ALG12: variants seen among roughly 807,000 people sequenced by gnomAD.
ALG12 encodes the protein dol-P-Man:Man(7)GlcNAc(2)-PP-Dol alpha-1,6-mannosyltransferase.
ALG12 carries 36 observed loss-of-function variants against 46.0 expected under a neutral mutation model. That is an observed-to-expected ratio of 0.78 (90% CI 0.60 to 1.03). The LOEUF (loss-of-function observed/expected upper bound fraction) is 1.03. Among genes scored for constraint, ALG12 ranks in the 50% least tolerant of loss-of-function variants. ALG12 has a pLI of 0.00. For missense variants in ALG12, 599 were observed against 633.5 expected (o/e 0.95, Z 0.58); for synonymous variants, 326 against 291.6 (o/e 1.12, Z -1.20).
chr22:49,880,312 A>C, the ALG12 span, among the ~76,000 whole-genome samples: 1 of 152,098 alleles, frequency 6.6e-6, no homozygotes, highest in Non-Finnish European at 1.5e-5. Context: ...TGGTTCTCTG[A>C]GGGTGGTTTC....
the ALG12 span, among the ~76,000 whole-genome samples, chr22:49,874,332 C>G: frequency 2.6e-5 from 4 of 151,876 alleles, no homozygotes; most frequent in Admixed American, 2.0e-4. Context: ...AAATGTTTTT[C>G]TACATCGAAT....
At chr22:49,888,241 GA>G in the ALG12 span, 1 of 166,918 alleles carries the variant, frequency 6.0e-6, no homozygotes, top group Non-Finnish European at 1.5e-5. Flanking sequence ...TGTCTTCAGA[GA>G]AAAAAAGATT....
rs897103155 is a variant in ALG12 at position 49,907,734 on chromosome 22, C to A, written c.979G>T (p.Gly327Cys). Residue 327 changes from glycine (G) to cysteine (C), a missense_variant, in exon 7 of 10, where the codon GGC (glycine) becomes TGC (cysteine). By Grantham distance (159) the Gly-to-Cys change is radical. Transcript: ENST00000330817. ...AAGAGCACTCACAGGTAGGAGCAGC[C>A]TCTGGCAGCCGTGATGTTGAGCATG... ...FPMLNITAAR[G>C]CSYLLNNYKK... 6.2e-7 allele frequency: 1 copy of A among 1,613,930 alleles called. No individual in the cohort carries two copies. Among genetic ancestry groups the A allele is most frequent in the Non-Finnish European group, 8.5e-7 (1 of 1,180,034 alleles).
At chr22:49,916,993 C>A (rs1340925936) in intron 1 of ALG12, among the ~76,000 whole-genome samples, 1 of 152,208 alleles carries the variant, frequency 6.6e-6, no homozygotes, top group Non-Finnish European at 1.5e-5. Flanking sequence ...AGCACCTCCT[C>A]GGACCCAACA....
At chr22:49,880,268 G>A in the ALG12 span, among the ~76,000 whole-genome samples, 15,498 of 152,186 alleles carry the variant, frequency 0.1, 1,030 homozygotes, top group African/African-American at 0.18. Flanking sequence ...GCTGTTCCCA[G>A]CCTCCAGGGA....
chr22:49,868,169 TC>T, the ALG12 span, among the ~76,000 whole-genome samples: 543 of 152,372 alleles, frequency 3.6e-3, 2 homozygotes, highest in African/African-American at 0.012. Flanking sequence ...TTGTCAGTCT[TC>T]TTTTTTGTTG....
At chr22:49,860,423 G>T in the ALG12 span, among the ~76,000 whole-genome samples, 1 of 152,150 alleles carries the variant, frequency 6.6e-6, no homozygotes, top group African/African-American at 2.4e-5. Flanking sequence ...GTGCTAAAAT[G>T]TGCATACAGT....
chr22:49,903,111 C>T lies in ALG12; in HGVS notation c.*727G>A, dbSNP rs2060523408. The T allele has an allele frequency of 2.8e-6, 1 of 351,764 alleles. No individual in the cohort carries two copies. The highest frequency in any genetic ancestry group is 1.0e-3 in the Middle Eastern group (1 of 960). 21.8% of individuals were successfully genotyped at this position (351,764 alleles called of 1,614,324 possible). On this transcript the variant is annotated 3_prime_UTR_variant, in exon 10 of 10. Transcript: ENST00000330817. ...ATAAATGCATGGTCAGTGAGGCTGA[C>T]AGCACCAAGCTGTCCCTTTACCATA...
At chr22:49,907,184 C>T (rs1416070333) in intron 7 of ALG12, among the ~76,000 whole-genome samples, 1 of 152,288 alleles carries the variant, frequency 6.6e-6, no homozygotes. Context: ...TCAGGATGGC[C>T]ACGAACGCCC....
the ALG12 span, among the ~76,000 whole-genome samples, chr22:49,870,403 C>T: frequency 6.6e-6 from 1 of 152,212 alleles, no homozygotes; most frequent in Admixed American, 6.5e-5. Context: ...AGACTCCACA[C>T]TGCTCTCCGC....
the ALG12 span, among the ~76,000 whole-genome samples, chr22:49,891,993 C>T: frequency 6.6e-6 from 1 of 151,866 alleles, no homozygotes; most frequent in African/African-American, 2.4e-5. Context: ...CTTTTTGCAT[C>T]CTGGCTAAAA....
the ALG12 span, among the ~76,000 whole-genome samples, chr22:49,882,877 G>A: frequency 6.6e-6 from 1 of 152,178 alleles, no homozygotes; most frequent in African/African-American, 2.4e-5. Flanking sequence ...TCAGCTTTTC[G>A]TCTGGGTTGA....
At chr22:49,880,287 A>G in the ALG12 span, among the ~76,000 whole-genome samples, 1 of 152,158 alleles carries the variant, frequency 6.6e-6, no homozygotes. Context: ...GAGCCCTGGC[A>G]GTTCTTTTCC....
Position 49,902,990 on chromosome 22 carries a change from G to T in ALG12, c.*848C>A, listed in dbSNP as rs1208721674. 2 of 331,794 alleles carry T rather than the reference G, an allele frequency of 6.0e-6. No homozygotes were observed. The highest frequency in any genetic ancestry group is 1.2e-5 in the Non-Finnish European group (2 of 171,796). The allele number at this position is 331,794 out of a possible 1,614,324, so 20.6% of individuals were successfully genotyped here. A position where few individuals can be genotyped will look rare whatever the true frequency, so the allele number is the denominator to read the frequency against. Reference sequence around the variant, plus strand: ...TGTGCACTGTGTGCATGCGTGTGTGGTGTGTGTGCATGTATGCATGGTGTG... The same window carrying T: ...TGTGCACTGTGTGCATGCGTGTGTGTTGTGTGTGCATGTATGCATGGTGTG... On this transcript the variant is annotated 3_prime_UTR_variant, in exon 10 of 10. Coordinates refer to ENST00000330817, the MANE Select transcript of ALG12 (RefSeq NM_024105.4).
the ALG12 span, among the ~76,000 whole-genome samples, chr22:49,878,798 G>C: frequency 1.3e-5 from 2 of 152,066 alleles, no homozygotes; most frequent in Admixed American, 6.6e-5. Flanking sequence ...AGGAGTTTGA[G>C]ACCAGCCTGG....
the ALG12 span, among the ~76,000 whole-genome samples, chr22:49,868,981 G>A: frequency 6.6e-6 from 1 of 151,822 alleles, no homozygotes; most frequent in Non-Finnish European, 1.5e-5. Flanking sequence ...AAAATTAGCT[G>A]GGTGTGATGG....
downstream of ALG12, among the ~76,000 whole-genome samples, chr22:49,899,280 G>T (rs929113272): frequency 7.2e-5 from 11 of 152,092 alleles, no homozygotes; most frequent in African/African-American, 2.4e-4. Flanking sequence ...TTCGAGACCA[G>T]CCTGGCCAAT....
chr22:49,910,134 C>T (rs775583932), intron 4 of ALG12, 46 bp from the exon 5 acceptor site: 1 of 1,551,290 alleles, frequency 6.4e-7, no homozygotes, highest in South Asian at 1.2e-5. Flanking sequence ...CAGGGCCCAC[C>T]CGGCCCAGAA....
At chr22:49,917,883 G>A (rs1886790879) in intron 1 of ALG12, among the ~76,000 whole-genome samples, 1 of 101,398 alleles carries the variant, frequency 9.9e-6, no homozygotes, top group Non-Finnish European at 2.0e-5. Flanking sequence ...AGCCCCCAGA[G>A]ACCCTAAGTG....
Sources: gnomAD v4.1 joint callset for allele counts (sites outside exome capture counted in the v4.1 genomes callset) on GRCh38, gnomAD v4.1.1 for gene constraint, MANE v1.5 for transcripts, NCBI Gene and HGNC (gene_info 2026-07-23, HGNC 2026-07-21) for gene names.